ZBTB16: variants seen among roughly 807,000 people sequenced by gnomAD.
ZBTB16 encodes the protein zinc finger and BTB domain-containing protein 16.
ZBTB16 carries 8 observed loss-of-function variants against 56.8 expected under a neutral mutation model. That is an observed-to-expected ratio of 0.14 (90% CI 0.08 to 0.25). The LOEUF (loss-of-function observed/expected upper bound fraction) is 0.25, where lower values mean the gene tolerates loss of function less well. Among genes scored for constraint, ZBTB16 ranks in the 10% least tolerant of loss-of-function variants. ZBTB16 has a pLI of 1.00. For synonymous variants in ZBTB16, 363 were observed against 368.5 expected (o/e 0.98, Z 0.17); for missense variants, 625 against 903.0 (o/e 0.69, Z 3.95).
chr11:114,228,275 C>A (rs1301026093), intron 4 of ZBTB16, among the ~76,000 whole-genome samples: 1 of 152,096 alleles, frequency 6.6e-6, no homozygotes, highest in Non-Finnish European at 1.5e-5. Flanking sequence ...GAATAACTAC[C>A]ATATTTTTGC....
intron 4 of ZBTB16, among the ~76,000 whole-genome samples, chr11:114,204,599 A>G (rs758696333): frequency 2.6e-4 from 40 of 151,948 alleles, no homozygotes; most frequent in Middle Eastern, 3.2e-3. Context: ...ATGATCTCTG[A>G]TGTTCCTTAC....
intron 3 of ZBTB16, among the ~76,000 whole-genome samples, chr11:114,159,732 A>C (rs995887245): frequency 4.6e-5 from 7 of 152,118 alleles, no homozygotes; most frequent in African/African-American, 1.7e-4. Context: ...TGAAAACAGA[A>C]CTAGGTGATG....
intron 3 of ZBTB16, among the ~76,000 whole-genome samples, chr11:114,184,504 C>G (rs535134309): frequency 2.6e-5 from 4 of 152,338 alleles, no homozygotes; most frequent in Admixed American, 2.6e-4. Flanking sequence ...CACAAAACAT[C>G]TTTGCAGATG....
chr11:114,233,722 C>T (rs567027816), intron 4 of ZBTB16, among the ~76,000 whole-genome samples: 116 of 151,694 alleles, frequency 7.6e-4, no homozygotes, highest in Non-Finnish European at 6.6e-4. Flanking sequence ...ATTAGTAAAT[C>T]CATTCATGTT....
intron 4 of ZBTB16, among the ~76,000 whole-genome samples, chr11:114,232,567 G>GGCTT (rs1465650419): frequency 7.3e-6 from 1 of 137,122 alleles, no homozygotes; most frequent in African/African-American, 2.9e-5. Flanking sequence ...CCCTGAGAGA[G>GGCTT]GCTTCCACAT....
chr11:114,081,464 G>A (rs1001528779), intron 2 of ZBTB16, among the ~76,000 whole-genome samples: 1 of 152,192 alleles, frequency 6.6e-6, no homozygotes, highest in Non-Finnish European at 1.5e-5. Context: ...TATATTCAGA[G>A]TTGAAATGAC....
intron 2 of ZBTB16, among the ~76,000 whole-genome samples, chr11:114,141,893 A>G (rs1293988784): frequency 1.3e-5 from 2 of 152,276 alleles, no homozygotes; most frequent in African/African-American, 2.4e-5. Flanking sequence ...TGCCTGGCAC[A>G]TAGTAAGTGC....
At chr11:114,141,895 A>G (rs1941955889) in intron 2 of ZBTB16, among the ~76,000 whole-genome samples, 2 of 152,270 alleles carry the variant, frequency 1.3e-5, no homozygotes, top group African/African-American at 2.4e-5. Context: ...CCTGGCACAT[A>G]GTAAGTGCTC....
At chr11:114,171,975 G>A (rs748451230) in intron 3 of ZBTB16, among the ~76,000 whole-genome samples, 10 of 152,304 alleles carry the variant, frequency 6.6e-5, no homozygotes, top group Non-Finnish European at 1.2e-4. Flanking sequence ...TGCCTGAGAA[G>A]GAAGGAAAGG....
rs936558913 is a variant in ZBTB16 at position 114,060,149 on chromosome 11, G to C, written c.-91+267G>C. 1.0e-5 allele frequency: 2 copies of C among 198,444 alleles called. No individual in the cohort carries two copies. Among genetic ancestry groups the C allele is most frequent in the African/African-American group, 4.6e-5 (2 of 43,380 alleles). 12.3% of individuals were successfully genotyped at this position (198,444 alleles called of 1,614,324 possible). ...TCTTCAGGGCACGGTCGGGGTGAGAGGTGGGGGGCGTAGCGGTGTGCGGGG... is the reference window on the plus strand; with the variant it reads ...TCTTCAGGGCACGGTCGGGGTGAGACGTGGGGGGCGTAGCGGTGTGCGGGG... On this transcript the variant is annotated intron_variant, in intron 1 of 6. Transcript: ENST00000335953. This position sits in a 1 kb window ranked among gnomAD's most constrained non-coding sequence, Gnocchi z 6.0.
At chr11:114,093,355 G>A (rs879656899) in intron 2 of ZBTB16, among the ~76,000 whole-genome samples, 1 of 151,790 alleles carries the variant, frequency 6.6e-6, no homozygotes, top group East Asian at 1.9e-4. Context: ...GGATGTTGCT[G>A]TTTCCCTGCT....
chr11:114,072,504 G>T (rs1939386099), intron 2 of ZBTB16, among the ~76,000 whole-genome samples: 3 of 152,174 alleles, frequency 2.0e-5, no homozygotes. Flanking sequence ...ACTGATGGGG[G>T]TCCTGGGGCT....
Position 114,250,317 on chromosome 11 carries a change from C to T in ZBTB16, c.1793-9C>T, listed in dbSNP as rs543025712. The stretch of plus-strand genomic sequence containing the variant: ...CTCACTTTCTCCTGCCCTGTCCCTC[C>T]GCCCTCAGGTGAGAAGCCCTTTGAG... On this transcript the variant is annotated splice_polypyrimidine_tract_variant and intron_variant, in intron 6 of 6. Coordinates refer to ENST00000335953, the MANE Select transcript of ZBTB16 (RefSeq NM_006006.6). This position sits in a 1 kb window ranked among gnomAD's most constrained non-coding sequence, Gnocchi z 6.0. 4.1e-5 allele frequency: 66 copies of T among 1,610,114 alleles called. No individual in the cohort carries two copies. The highest frequency in any genetic ancestry group is 1.6e-4 in the East Asian group (7 of 44,870).
intron 2 of ZBTB16, among the ~76,000 whole-genome samples, chr11:114,155,819 T>C (rs559681684): frequency 6.6e-6 from 1 of 152,302 alleles, no homozygotes; most frequent in South Asian, 2.1e-4. Context: ...GGCATCAATT[T>C]ATTCACAGGC....
chr11:114,222,038 T>C (rs1225927449), intron 4 of ZBTB16, among the ~76,000 whole-genome samples: 1 of 152,130 alleles, frequency 6.6e-6, no homozygotes, highest in African/African-American at 2.4e-5. Flanking sequence ...AATACACTAA[T>C]GAAACAAGTG....
rs191531227 is a variant in ZBTB16, at chr11:114,255,022, T to C, written c.*4467T>C. On this transcript the variant is annotated 3_prime_UTR_variant, in exon 7 of 7. Coordinates refer to ENST00000335953, the MANE Select transcript of ZBTB16 (RefSeq NM_006006.6). The stretch of plus-strand genomic sequence containing the variant: ...GCCTCCTGGTGTGTATCATAGGATT[T>C]GTTCACATAGTGTTATGCATGATCT... 3.8e-3 allele frequency among the ~76,000 whole-genome samples: 576 copies of C among 152,334 alleles called. 1 individual carries two copies. The highest frequency in any genetic ancestry group is 0.013 in the African/African-American group (544 of 41,570).
At chr11:114,144,241 A>G (rs920458942) in intron 2 of ZBTB16, among the ~76,000 whole-genome samples, 1 of 151,450 alleles carries the variant, frequency 6.6e-6, no homozygotes, top group African/African-American at 2.4e-5. Flanking sequence ...ATGGACACCA[A>G]TTGTAAACCT....
intron 3 of ZBTB16, among the ~76,000 whole-genome samples, chr11:114,169,692 C>T (rs986495228): frequency 6.6e-6 from 1 of 152,100 alleles, no homozygotes; most frequent in Non-Finnish European, 1.5e-5. Context: ...CAAGAGAAGG[C>T]GTTGAGCAAG....
At chr11:114,161,134 C>T (rs144658105) in intron 3 of ZBTB16, among the ~76,000 whole-genome samples, 44 of 152,290 alleles carry the variant, frequency 2.9e-4, no homozygotes, top group Middle Eastern at 3.4e-3. Flanking sequence ...CATGCAGAGA[C>T]CACAGACACA....
Sources: gnomAD v4.1 joint callset for allele counts (sites outside exome capture counted in the v4.1 genomes callset) on GRCh38, gnomAD v4.1.1 for gene constraint, Gnocchi (gnomAD v3.1) non-coding constraint, MANE v1.5 for transcripts, NCBI Gene and HGNC (gene_info 2026-07-23, HGNC 2026-07-21) for gene names.